DPYSL5: variants seen among roughly 807,000 people sequenced by gnomAD.
The protein encoded by DPYSL5 is dihydropyrimidinase like 5.
Under a neutral mutation model 58.4 loss-of-function variants are expected in DPYSL5, and 9 were observed. The observed-to-expected ratio is 0.15, with a 90% confidence interval of 0.09 to 0.27. The LOEUF is 0.27. Ranked by LOEUF, DPYSL5 falls within the 10% of genes least tolerant of loss-of-function variation. The probability of loss-of-function intolerance (pLI) is 1.00; values close to 1 mark genes in which losing one functional copy is unlikely to be tolerated. For synonymous variants in DPYSL5, 293 were observed against 301.9 expected (o/e 0.97, Z 0.31); for missense variants, 499 against 770.6 (o/e 0.65, Z 4.17).
At chr2:26,928,194 G>A in intron 4 of DPYSL5, 61 bp from the exon 5 acceptor site, 1 of 1,562,514 alleles carries the variant, frequency 6.4e-7, no homozygotes, top group Non-Finnish European at 8.8e-7. Context: ...CTTGGGTTCA[G>A]TATTTTCTTA....
chr2:26,861,369 G>A (rs530840438), intron 1 of DPYSL5, among the ~76,000 whole-genome samples: 5 of 152,318 alleles, frequency 3.3e-5, no homozygotes, highest in African/African-American at 1.2e-4. Context: ...CCTTCCCACA[G>A]GTTCACAATG....
intron 5 of DPYSL5, among the ~76,000 whole-genome samples, chr2:26,929,859 C>T (rs1176392598): frequency 2.6e-5 from 4 of 152,270 alleles, no homozygotes; most frequent in African/African-American, 9.6e-5. Flanking sequence ...AGAGGGACCA[C>T]ATTAGACGAA....
intron 2 of DPYSL5, among the ~76,000 whole-genome samples, chr2:26,915,004 A>C (rs1209092509): frequency 1.3e-5 from 2 of 151,892 alleles, no homozygotes; most frequent in Non-Finnish European, 2.9e-5. Context: ...TCTTGTCTTA[A>C]TCTTGATGCT....
intron 1 of DPYSL5, among the ~76,000 whole-genome samples, chr2:26,884,503 G>A (rs563674922): frequency 1.4e-5 from 2 of 143,316 alleles, no homozygotes; most frequent in East Asian, 4.0e-4. Context: ...TCAACGCACA[G>A]CTAAGCTTGT....
chr2:26,871,663 A>T (rs1182683662), intron 1 of DPYSL5, among the ~76,000 whole-genome samples: 3 of 150,576 alleles, frequency 2.0e-5, no homozygotes, highest in Non-Finnish European at 3.0e-5. Context: ...CTGGTCTTGA[A>T]CTCCTGGCTT....
At position 26,894,148 on chromosome 2, in the gene DPYSL5, C is replaced by A. The variant is rs1173438093; in HGVS notation, c.-4-4348C>A. ...TTCCTTACTTATTTTGGATATTAAC[C>A]AAAGTGTGCCCCCTGGATGGAAATT... On this transcript the variant is annotated intron_variant, in intron 1 of 12. Coordinates refer to ENST00000288699, the MANE Select transcript of DPYSL5 (RefSeq NM_020134.4). 2.0e-5 allele frequency among the ~76,000 whole-genome samples: 3 copies of A among 151,308 alleles called. No homozygotes were observed. In the East Asian group the frequency reaches 5.8e-4, roughly 29 times the overall value.
At position 26,940,182 on chromosome 2, in the gene DPYSL5, C is replaced by T; in HGVS notation, c.1089+10C>T. On this transcript the variant is annotated intron_variant, in intron 9 of 12. Coordinates refer to ENST00000288699, the MANE Select transcript of DPYSL5 (RefSeq NM_020134.4). ...CTGGGAGAGAGGAGTGGTATGTTTC[C>T]TAGAGCCCCGCCCCGATCTGATCCC... The T allele has an allele frequency of 6.2e-7, 1 of 1,613,456 alleles. No homozygotes were observed. Among genetic ancestry groups the T allele is most frequent in the Non-Finnish European group, 8.5e-7 (1 of 1,179,886 alleles).
In DPYSL5 at chr2:26,898,605, C is replaced by A; in HGVS notation, c.106C>A (p.Gln36Lys). The change falls in exon 2 of 13, where the codon CAG becomes AAG. Residue 36 changes from glutamine to lysine, a missense_variant. Physicochemically the swap from Gln to Lys is moderately conservative, Grantham distance 53 (BLOSUM62 1). Transcript: ENST00000288699. The surrounding 1 kb of genome is among the most constrained non-coding windows in gnomAD (Gnocchi z 6.1). ...ADVYIENGII[Q>K]QVGRELMIPG... is the part of the protein sequence containing the mutation. The stretch of plus-strand genomic sequence containing the variant: ...CGTCTACATCGAGAATGGCATCATC[C>A]AGCAGGTGGGCCGCGAGCTCATGAT... 1.2e-6 allele frequency: 2 copies of A among 1,614,188 alleles called. No individual in the cohort carries two copies. The highest frequency in any genetic ancestry group is 1.7e-6 in the Non-Finnish European group (2 of 1,180,034).
intron 1 of DPYSL5, among the ~76,000 whole-genome samples, chr2:26,872,060 C>T (rs1663274614): frequency 6.6e-6 from 1 of 152,130 alleles, no homozygotes; most frequent in Non-Finnish European, 1.5e-5. Flanking sequence ...AGAAAGAGAA[C>T]TGGAAAGGGA....
intron 2 of DPYSL5, among the ~76,000 whole-genome samples, chr2:26,923,233 A>T (rs1664746698): frequency 6.6e-6 from 1 of 152,202 alleles, no homozygotes; most frequent in African/African-American, 2.4e-5. Flanking sequence ...TGCGAGGCCA[A>T]GGTGGGAGGA....
At chr2:26,851,625 G>A (rs13418647) in intron 1 of DPYSL5, among the ~76,000 whole-genome samples, 47,815 of 151,976 alleles carry the variant, frequency 0.31, 8,691 homozygotes, top group Admixed American at 0.44. Context: ...AGGACAGCAT[G>A]ACTATAGGCA....
intron 1 of DPYSL5, among the ~76,000 whole-genome samples, chr2:26,856,987 A>G (rs771703639): frequency 1.7e-4 from 24 of 145,306 alleles, no homozygotes; most frequent in Non-Finnish European, 3.1e-4. Context: ...CAAATAACCA[A>G]TTGATTGGCT....
Position 26,947,094 on chromosome 2 carries a change from A to G in DPYSL5, c.*99A>G, listed in dbSNP as rs1665509740. Reference sequence around the variant, plus strand: ...GGCAGGAGAGGCTGGGCTGGGTGGCACACCACCCGAGGGGGGCCCCGGGAC... The same window carrying G: ...GGCAGGAGAGGCTGGGCTGGGTGGCGCACCACCCGAGGGGGGCCCCGGGAC... On this transcript the variant is annotated 3_prime_UTR_variant, in exon 13 of 13. Transcript: ENST00000288699. The surrounding 1 kb of genome is among the most constrained non-coding windows in gnomAD (Gnocchi z 4.2). 2.1e-5 allele frequency: 23 copies of G among 1,094,344 alleles called. 1 individual carries two copies. The South Asian group carries it at 3.1e-4, about 15-fold the overall frequency. The allele number at this position is 1,094,344 out of a possible 1,614,324, so 67.8% of individuals were successfully genotyped here.
chr2:26,928,122 G>A, intron 4 of DPYSL5, 133 bp from the exon 5 acceptor site: 2 of 930,020 alleles, frequency 2.2e-6, no homozygotes, highest in Non-Finnish European at 3.3e-6. Context: ...GACGAACACT[G>A]CAGAAGTGAG....
chr2:26,877,799 T>A lies in DPYSL5; in HGVS notation c.-4-20697T>A, dbSNP rs1663451375. 6.6e-6 allele frequency among the ~76,000 whole-genome samples: 1 copy of A among 152,214 alleles called. No homozygotes were observed. The highest frequency in any genetic ancestry group is 1.5e-5 in the Non-Finnish European group (1 of 68,046). ...TAGATAAACATACCTTGGGTTCTGGTTTTGTCCTGTAAACTACTTTCTTCA... is the reference window on the plus strand; with the variant it reads ...TAGATAAACATACCTTGGGTTCTGGATTTGTCCTGTAAACTACTTTCTTCA... On this transcript the variant is annotated intron_variant, in intron 1 of 12. Coordinates refer to ENST00000288699, the MANE Select transcript of DPYSL5 (RefSeq NM_020134.4). This position sits in a 1 kb window ranked among gnomAD's most constrained non-coding sequence, Gnocchi z 4.1.
Position 26,942,813 on chromosome 2 carries a change from A to G in DPYSL5, c.1440+63A>G, listed in dbSNP as rs1008809067. On this transcript the variant is annotated intron_variant, in intron 11 of 12. Transcript: ENST00000288699. This position sits in a 1 kb window ranked among gnomAD's most constrained non-coding sequence, Gnocchi z 5.9. ...CCCCTGCCGGGGAACATCCTCCATG[A>G]CTGTTTTAAATCTCAAAGAGATGTT... 3.2e-6 allele frequency: 5 copies of G among 1,562,604 alleles called. No individual in the cohort carries two copies. In the Admixed American group the frequency reaches 6.9e-5, roughly 21 times the overall value.
chr2:26,940,937 A>ATTTTTTTTTTT (rs67016261), intron 9 of DPYSL5, among the ~76,000 whole-genome samples: 1 of 40,628 alleles, frequency 2.5e-5, no homozygotes, highest in African/African-American at 5.7e-5. Context: ...TATTATTATT[A>ATTTTTTTTTTT]TTTATTTTTT....
intron 1 of DPYSL5, among the ~76,000 whole-genome samples, chr2:26,885,263 C>A (rs1035659449): frequency 6.6e-6 from 1 of 152,126 alleles, no homozygotes; most frequent in Non-Finnish European, 1.5e-5. Flanking sequence ...CATATTCACA[C>A]CCATGACGCT....
intron 2 of DPYSL5, among the ~76,000 whole-genome samples, chr2:26,901,503 G>A (rs1406125650): frequency 6.6e-6 from 1 of 152,078 alleles, no homozygotes; most frequent in Non-Finnish European, 1.5e-5. Context: ...CTACTGAAAC[G>A]CTGATGGGGA....
Sources: gnomAD v4.1 joint callset for allele counts (sites outside exome capture counted in the v4.1 genomes callset) on GRCh38, gnomAD v4.1.1 for gene constraint, Gnocchi (gnomAD v3.1) non-coding constraint, MANE v1.5 for transcripts, NCBI Gene and HGNC (gene_info 2026-07-23, HGNC 2026-07-21) for gene names.